The following THSD7A variants were observed in gnomAD, a reference collection of about 807,000 sequenced individuals.
THSD7A encodes thrombospondin type-1 domain-containing protein 7A.
In THSD7A, 96 loss-of-function variants were observed where a neutral mutation model predicts 231.3. The observed-to-expected ratio is 0.41, with a 90% CI of 0.35 to 0.49. THSD7A has a LOEUF of 0.49. Among genes scored for constraint, THSD7A ranks in the 20% least tolerant of loss-of-function variants. THSD7A has a pLI of 0.05. For missense variants in THSD7A, 2,290 were observed against 2,070.2 expected, an observed-to-expected ratio of 1.11 and a Z score of -2.06; for synonymous variants, 940 against 743.3, an observed-to-expected ratio of 1.26 and a Z score of -4.30.
chr7:11,807,797 A>T (rs1033276669), intron 1 of THSD7A, among the ~76,000 whole-genome samples: 96 of 152,300 alleles, frequency 6.3e-4, no homozygotes, highest in African/African-American at 2.2e-3. Flanking sequence ...TTTTGCTACA[A>T]CTAAAATACA....
At chr7:11,754,644 C>A (rs1472868520) in intron 1 of THSD7A, among the ~76,000 whole-genome samples, 1 of 151,988 alleles carries the variant, frequency 6.6e-6, no homozygotes, top group African/African-American at 2.4e-5. Flanking sequence ...TAAACAAATT[C>A]TTGTTATTCT....
Position 11,411,355 on chromosome 7 carries a change from G to A in THSD7A, c.3683-33C>T, listed in dbSNP as rs144612321. 2 of 1,448,954 alleles carry A rather than the reference G, an allele frequency of 1.4e-6. No individual in the cohort carries two copies. The highest frequency in any genetic ancestry group is 1.4e-5 in the African/African-American group (1 of 70,978). 89.8% of individuals were successfully genotyped at this position (1,448,954 alleles called of 1,614,324 possible). On this transcript the variant is annotated intron_variant, in intron 18 of 27. Transcript: ENST00000423059. This position sits in a 1 kb window ranked among gnomAD's most constrained non-coding sequence, Gnocchi z 4.1. ...AAAGGGAAGCCCATCAGAACAGAAG[G>A]CTAAGTAAGAAACAGATTTCAAATG...
rs1782038380 is a variant in THSD7A, at chr7:11,371,165, C to T, written c.*4629G>A. On this transcript the variant is annotated 3_prime_UTR_variant, in exon 28 of 28. Transcript: ENST00000423059. ...AAAATTAACTGTTTAGCATTAGTTT[C>T]ATTCATTTAATAATGTAGACATAAC... 6.6e-6 allele frequency: 1 copy of T among 152,168 alleles called. No individual in the cohort carries two copies. Among genetic ancestry groups the T allele is most frequent in the African/African-American group, 2.4e-5 (1 of 41,452 alleles). 9.4% of individuals were successfully genotyped at this position (152,168 alleles called of 1,614,324 possible).
chr7:11,779,926 A>AACAATGC (rs1173204052), intron 1 of THSD7A, among the ~76,000 whole-genome samples: 4 of 152,226 alleles, frequency 2.6e-5, no homozygotes, highest in African/African-American at 9.6e-5. Flanking sequence ...AAATGCCCTC[A>AACAATGC]ACAATGCACG....
intron 1 of THSD7A, among the ~76,000 whole-genome samples, chr7:11,654,686 T>A (rs895085780): frequency 6.6e-6 from 1 of 151,960 alleles, no homozygotes; most frequent in Non-Finnish European, 1.5e-5. Flanking sequence ...TATATTAGTA[T>A]TGGTTTATGT....
At chr7:11,684,294 G>A (rs745909704) in intron 1 of THSD7A, among the ~76,000 whole-genome samples, 1 of 151,344 alleles carries the variant, frequency 6.6e-6, no homozygotes, top group Non-Finnish European at 1.5e-5. Context: ...ACAGGCAAAA[G>A]TTGGAAGCAT....
chr7:11,456,988 A>G (rs751063892), intron 11 of THSD7A, among the ~76,000 whole-genome samples: 15 of 152,132 alleles, frequency 9.9e-5, no homozygotes, highest in Non-Finnish European at 1.8e-4. Flanking sequence ...AGTTAATAAC[A>G]TTTAAGTTAA....
intron 6 of THSD7A, among the ~76,000 whole-genome samples, chr7:11,491,269 T>C (rs994676170): frequency 2.0e-5 from 3 of 152,114 alleles, no homozygotes; most frequent in Non-Finnish European, 2.9e-5. Flanking sequence ...ATAGTCCATA[T>C]TTTATAAATT....
intron 1 of THSD7A, among the ~76,000 whole-genome samples, chr7:11,717,043 C>G (rs1781162766): frequency 1.3e-5 from 2 of 151,462 alleles, no homozygotes; most frequent in African/African-American, 4.8e-5. Context: ...CCAAGAGTTC[C>G]ATTTGCTAAT....
chr7:11,441,885 A>G (rs252997), intron 13 of THSD7A, among the ~76,000 whole-genome samples: 138,400 of 151,954 alleles, frequency 0.91, 63,262 homozygotes, highest in East Asian at 1. Flanking sequence ...TAATGTAGAC[A>G]ATAGGTTGAT....
intron 1 of THSD7A, among the ~76,000 whole-genome samples, chr7:11,688,585 TAG>T (rs1322818218): frequency 6.6e-6 from 1 of 151,768 alleles, no homozygotes; most frequent in Non-Finnish European, 1.5e-5. Flanking sequence ...GAGATTTAAA[TAG>T]AGACTGAAAT....
intron 6 of THSD7A, among the ~76,000 whole-genome samples, chr7:11,506,580 G>A (rs1018996501): frequency 1.3e-5 from 2 of 152,116 alleles, no homozygotes; most frequent in Admixed American, 6.6e-5. Context: ...CCATTAACAT[G>A]GAATTATTTC....
chr7:11,456,088 GAGA>G (rs1047335755), intron 11 of THSD7A, among the ~76,000 whole-genome samples: 3 of 151,944 alleles, frequency 2.0e-5, no homozygotes, highest in African/African-American at 7.2e-5. Context: ...CCAGACGTTG[GAGA>G]AGAACTGAAT....
intron 1 of THSD7A, among the ~76,000 whole-genome samples, chr7:11,742,217 GA>G (rs978129683): frequency 2.6e-5 from 4 of 151,854 alleles, no homozygotes; most frequent in African/African-American, 9.7e-5. Flanking sequence ...GATATAAATG[GA>G]AAAATATATG....
chr7:11,567,310 G>A (rs1050228578), intron 4 of THSD7A, among the ~76,000 whole-genome samples: 4 of 152,058 alleles, frequency 2.6e-5, no homozygotes, highest in Middle Eastern at 3.2e-3. Context: ...AAAGGGGGAA[G>A]AGCCCCTTAT....
chr7:11,774,876 G>A (rs988053285), intron 1 of THSD7A, among the ~76,000 whole-genome samples: 4 of 152,100 alleles, frequency 2.6e-5, no homozygotes, highest in Admixed American at 1.3e-4. Flanking sequence ...CCAACATGGC[G>A]AAACCTTGTC....
Position 11,462,133 on chromosome 7 carries a change from A to C in THSD7A, c.2379T>G (p.Ser793Arg). 6.2e-7 allele frequency: 1 copy of C among 1,613,604 alleles called. No individual in the cohort carries two copies. Among genetic ancestry groups the C allele is most frequent in the South Asian group, 1.1e-5 (1 of 91,062 alleles). ...CCCGATGCCTAGACTGCTTCCTGAT[A>C]CTGGAGTCCCCTGCAATGAAGCAGT... ...CPSSCKEGDS[S>R]IRKQSRHRVI... The change falls in exon 10 of 28, where the codon AGT (serine) becomes AGG (arginine). Residue 793 changes from serine to arginine, a missense_variant. Physicochemically the swap from Ser to Arg is moderately radical, Grantham distance 110 (BLOSUM62 -1). Transcript: ENST00000423059.
chr7:11,383,181 G>A (rs147882452), intron 23 of THSD7A, among the ~76,000 whole-genome samples: 88 of 151,550 alleles, frequency 5.8e-4, no homozygotes, highest in African/African-American at 2.1e-3. Flanking sequence ...AATGATATAT[G>A]GTATTACTTT....
chr7:11,501,829 T>C (rs1787348523), intron 6 of THSD7A, among the ~76,000 whole-genome samples: 1 of 151,980 alleles, frequency 6.6e-6, no homozygotes, highest in African/African-American at 2.4e-5. Flanking sequence ...ATTCAAAAGG[T>C]CAATGAATCC....
Sources: allele counts gnomAD v4.1 joint callset (sites outside exome capture counted in the v4.1 genomes callset), GRCh38; gene constraint gnomAD v4.1.1; non-coding constraint Gnocchi (gnomAD v3.1); transcripts MANE v1.5; gene names NCBI Gene and HGNC (gene_info 2026-07-23, HGNC 2026-07-21).